The following PI4KA variants were observed in gnomAD, a reference collection of about 807,000 sequenced individuals.
PI4KA encodes the protein phosphatidylinositol 4-kinase alpha, also known as PI4-kinase alpha.
Under a neutral mutation model 271.4 loss-of-function variants are expected in PI4KA, and 122 were observed. That is an observed-to-expected ratio of 0.45 (90% CI 0.39 to 0.52). PI4KA has a LOEUF of 0.52. Ranked by LOEUF, PI4KA falls within the 20% of genes least tolerant of loss-of-function variation. PI4KA has a pLI of 0.00. For synonymous variants in PI4KA, 1,041 were observed against 1,078.8 expected (o/e 0.96, Z 0.69); for missense variants, 1,969 against 2,769.1 (o/e 0.71, Z 6.48).
chr22:20,798,516 CAA>C, intron 17 of PI4KA, 66 bp downstream of exon 17: 1 of 978,620 alleles, frequency 1.0e-6, no homozygotes, highest in Non-Finnish European at 1.7e-6. Context: ...GACAAATTCA[CAA>C]ACCTCACATT....
intron 54 of PI4KA, among the ~76,000 whole-genome samples, chr22:20,708,596 C>G (rs1220776262): frequency 8.3e-6 from 1 of 120,902 alleles, no homozygotes; most frequent in Admixed American, 8.3e-5. Flanking sequence ...TCCGGCAGTT[C>G]CCCATGCAGA....
chr22:20,811,013 T>A lies in PI4KA; in HGVS notation c.1025A>T (p.Glu342Val). 1 of 1,613,496 alleles carries A rather than the reference T, an allele frequency of 6.2e-7. No homozygotes were observed. Among genetic ancestry groups the A allele is most frequent in the Non-Finnish European group, 8.5e-7 (1 of 1,179,428 alleles). ...GGCATCCAAAGATTTGAGAACAGCC[T>A]CCTCAACGATCTTCTTCACCTACCA... ...LLNLVKKIVE[E>V]AVLKSLDAIV... Residue 342 changes from glutamate (E) to valine (V), a missense_variant, in exon 9 of 55, where the codon GAG becomes GTG. Transcript: ENST00000255882.
At chr22:20,742,456 G>A (rs1929572282) in intron 31 of PI4KA, 101 bp from the exon 32 acceptor site, 1 of 1,560,306 alleles carries the variant, frequency 6.4e-7, no homozygotes, top group Non-Finnish European at 8.7e-7. Flanking sequence ...GCCAGTGATG[G>A]CCTTTTATTG....
chr22:20,779,466 A>G, intron 19 of PI4KA: 5 of 1,614,188 alleles, frequency 3.1e-6, no homozygotes, highest in Non-Finnish European at 4.2e-6. Context: ...AAACCTGAGC[A>G]TGCCTCTTCT....
At chr22:20,838,499 T>G in intron 2 of PI4KA, 116 bp downstream of exon 2, 2 of 671,142 alleles carry the variant, frequency 3.0e-6, no homozygotes, top group South Asian at 1.8e-5. Flanking sequence ...CCACTTTGAT[T>G]AGGTTCAAAT....
At chr22:20,718,888 C>G (rs1601325658) in intron 43 of PI4KA, 66 bp from the exon 44 acceptor site, 1 of 1,564,830 alleles carries the variant, frequency 6.4e-7, no homozygotes, top group East Asian at 2.3e-5. Context: ...GAATACCAGC[C>G]CTGTTTCCCA....
intron 3 of PI4KA, among the ~76,000 whole-genome samples, chr22:20,830,757 G>C (rs1017247963): frequency 6.6e-6 from 1 of 152,000 alleles, no homozygotes; most frequent in East Asian, 1.9e-4. Context: ...ACTTAGGTGT[G>C]TTTTGTTATT....
In PI4KA at chr22:20,815,557, T is replaced by C. The variant is rs536859264; in HGVS notation, c.857-2051A>G. Among the ~76,000 whole-genome samples, 3 of 152,304 alleles carry C rather than the reference T, an allele frequency of 2.0e-5. No homozygotes were observed. The South Asian group carries it at 6.2e-4, about 32-fold the overall frequency. The stretch of plus-strand genomic sequence containing the variant: ...CTCAAAGAGTTTAGTTTAGCTCCAG[T>C]TGTGTCAAAGCTGGTATCTCACAGC... On this transcript the variant is annotated intron_variant, in intron 7 of 54. Coordinates refer to ENST00000255882, the MANE Select transcript of PI4KA (RefSeq NM_058004.4).
chr22:20,727,272 G>T lies in PI4KA; in HGVS notation c.4899C>A (p.Leu1633=). The T allele has an allele frequency of 1.9e-6, 3 of 1,613,570 alleles. No individual in the cohort carries two copies. Among genetic ancestry groups the T allele is most frequent in the Non-Finnish European group, 2.5e-6 (3 of 1,179,952 alleles). Residue 1633 remains leucine (L), a synonymous_variant, in exon 41 of 55, where the codon CTC becomes CTA. Coordinates refer to ENST00000255882, the MANE Select transcript of PI4KA (RefSeq NM_058004.4). ...GGACTTTCACCCCGTACTGCGCCGT[G>T]AGAGGGTGCGGCGGGTACATGCTGG... ...YFSSMYPPHP[L]TAQYGVKVLR...
chr22:20,755,724 C>A (rs1380535801), intron 23 of PI4KA, among the ~76,000 whole-genome samples: 1 of 151,376 alleles, frequency 6.6e-6, no homozygotes, highest in Non-Finnish European at 1.5e-5. Context: ...ATCACTTGAG[C>A]CTGGGAGGTA....
rs1439592218 is a variant in PI4KA, at chr22:20,786,293, C to G, written c.2328+6900G>C. Reference sequence around the variant, plus strand: ...TGCTCTTCGGCCTGGGTGGGATACACAGAATGCCTAGTTTCATGGATGCCA... The same window carrying G: ...TGCTCTTCGGCCTGGGTGGGATACAGAGAATGCCTAGTTTCATGGATGCCA... On this transcript the variant is annotated intron_variant, in intron 19 of 54. Coordinates refer to ENST00000255882, the MANE Select transcript of PI4KA (RefSeq NM_058004.4). The G allele has an allele frequency of 3.3e-6, 3 of 905,902 alleles. No homozygotes were observed. The East Asian group carries it at 7.6e-5, about 23-fold the overall frequency. 56.1% of individuals were successfully genotyped at this position (905,902 alleles called of 1,614,324 possible). A position where few individuals can be genotyped will look rare whatever the true frequency, so the allele number is the denominator to read the frequency against.
intron 2 of PI4KA, among the ~76,000 whole-genome samples, chr22:20,837,191 C>T (rs1924976505): frequency 6.6e-6 from 1 of 152,164 alleles, no homozygotes; most frequent in Non-Finnish European, 1.5e-5. Context: ...GGTTGGAGAT[C>T]AACCTGGGCA....
chr22:20,780,754 C>T (rs977607831), intron 19 of PI4KA, among the ~76,000 whole-genome samples: 4 of 117,650 alleles, frequency 3.4e-5, no homozygotes, highest in East Asian at 2.9e-4. Context: ...CTAGCCTGGA[C>T]GACAGAGTGA....
chr22:20,734,532 C>A lies in PI4KA; in HGVS notation c.3763G>T (p.Ala1255Ser). The change falls in exon 33 of 55, where the codon GCC (alanine) becomes TCC (serine). Residue 1255 changes from alanine to serine, a missense_variant. Coordinates refer to ENST00000255882, the MANE Select transcript of PI4KA (RefSeq NM_058004.4). ...TTCTGCTCCACCGTCATGTGCCAGG[C>A]CCCTGCCATCTCCCGCATGAACTAC... ...EVPFMREMAG[A>S]WHMTVEQKFG... The A allele has an allele frequency of 1.2e-6, 2 of 1,613,978 alleles. No individual in the cohort carries two copies. The highest frequency in any genetic ancestry group is 1.7e-6 in the Non-Finnish European group (2 of 1,179,862).
At position 20,828,564 on chromosome 22, in the gene PI4KA, G is replaced by GTT. The variant is rs550948676; in HGVS notation, c.368-4152_368-4151dup. ...AGAGTTTGTTGTGGATTTTTTTGGG[G>GTT]TTTTTTTTTGAGACAGAGTCTTGCT... On this transcript the variant is annotated intron_variant, in intron 3 of 54. Transcript: ENST00000255882. Among the ~76,000 whole-genome samples, 1,112 of 151,154 alleles carry GTT rather than the reference G, an allele frequency of 7.4e-3. 11 individuals are homozygous for GTT. Among genetic ancestry groups the GTT allele is most frequent in the African/African-American group, 0.025 (1,035 of 41,172 alleles).
chr22:20,790,171 C>T (rs1482655398), intron 19 of PI4KA, among the ~76,000 whole-genome samples: 1 of 152,060 alleles, frequency 6.6e-6, no homozygotes, highest in Non-Finnish European at 1.5e-5. Flanking sequence ...AGGAAGGAGC[C>T]TCAGAGATTG....
chr22:20,804,160 G>T, intron 12 of PI4KA, 140 bp downstream of exon 12: 4 of 641,282 alleles, frequency 6.2e-6, no homozygotes, highest in Non-Finnish European at 1.1e-5. Flanking sequence ...TGCACAGCAC[G>T]CACTGGTTAA....
At position 20,834,427 on chromosome 22, in the gene PI4KA, C is replaced by T. The variant is rs534209666; in HGVS notation, c.367+135G>A. The T allele has an allele frequency of 4.6e-5, 32 of 690,626 alleles. 1 individual carries two copies. The Admixed American group carries it at 6.1e-4, about 13-fold the overall frequency. 42.8% of individuals were successfully genotyped at this position (690,626 alleles called of 1,614,324 possible). A position where few individuals can be genotyped will look rare whatever the true frequency, so the allele number is the denominator to read the frequency against. On this transcript the variant is annotated intron_variant, in intron 3 of 54. Transcript: ENST00000255882. Reference sequence around the variant, plus strand: ...ATGGATGTAAGCTCAGCCCACAATGCTGCAGGCAGTTGTTTCCCAGCCAGG... The same window carrying T: ...ATGGATGTAAGCTCAGCCCACAATGTTGCAGGCAGTTGTTTCCCAGCCAGG...
chr22:20,792,744 A>G (rs1934730241), intron 19 of PI4KA, among the ~76,000 whole-genome samples: 1 of 152,208 alleles, frequency 6.6e-6, no homozygotes, highest in South Asian at 2.1e-4. Context: ...CCATGCCAAC[A>G]ACGTCCCCTG....
Sources: gnomAD v4.1 joint callset for allele counts (sites outside exome capture counted in the v4.1 genomes callset) on GRCh38, gnomAD v4.1.1 for gene constraint, MANE v1.5 for transcripts, NCBI Gene and HGNC (gene_info 2026-07-23, HGNC 2026-07-21) for gene names.